BRDT: variants seen among roughly 807,000 people sequenced by gnomAD.
BRDT encodes the protein bromodomain testis associated.
A neutral mutation model predicts 113.9 loss-of-function variants in BRDT; 77 were observed. The ratio of observed to expected loss-of-function variants is 0.68; its 90% CI spans 0.56 to 0.82. The LOEUF is 0.82. Among genes scored for constraint, BRDT ranks in the 40% least tolerant of loss-of-function variants. The pLI, the probability that BRDT is intolerant of heterozygous loss-of-function variation, is 0.00. For missense variants in BRDT, 1,027 were observed against 1,105.4 expected, an observed-to-expected ratio of 0.93 and a Z score of 1.01; for synonymous variants, 358 against 366.5, an observed-to-expected ratio of 0.98 and a Z score of 0.26.
At chr1:92,001,659 G>C (rs1686855915) in intron 15 of BRDT, among the ~76,000 whole-genome samples, 1 of 151,574 alleles carries the variant, frequency 6.6e-6, no homozygotes, top group South Asian at 2.1e-4. Context: ...TTGCACCACT[G>C]TACTTCAGCC....
In BRDT at chr1:92,006,447, T is replaced by TTTTG. The variant is rs371990391; in HGVS notation, c.2775+1176_2775+1179dup. The stretch of plus-strand genomic sequence containing the variant: ...TAGGCAACATGTAATGGGAGCTTGC[T>TTTTG]TTTGTTTGTTTGTTTGTTTGTTTGT... On this transcript the variant is annotated intron_variant, in intron 18 of 18. Coordinates refer to ENST00000399546, the MANE Select transcript of BRDT (RefSeq NM_207189.4). 9.1e-3 allele frequency among the ~76,000 whole-genome samples: 1,381 copies of TTTTG among 152,012 alleles called. 10 individuals are homozygous for TTTTG. The highest frequency in any genetic ancestry group is 0.019 in the African/African-American group (777 of 41,448).
At chr1:91,981,421 T>C in intron 11 of BRDT, 40 bp downstream of exon 11, 3 of 1,549,272 alleles carry the variant, frequency 1.9e-6, no homozygotes, top group Non-Finnish European at 2.7e-6. Flanking sequence ...TATGTATGTA[T>C]GTATGTAGAG....
At chr1:91,960,526 C>T (rs1458781351) in intron 1 of BRDT, among the ~76,000 whole-genome samples, 1 of 152,044 alleles carries the variant, frequency 6.6e-6, no homozygotes, top group African/African-American at 2.4e-5. Context: ...TGGTGGTTGC[C>T]AGGTACAGCA....
chr1:91,999,473 T>C (rs1487943618), intron 15 of BRDT, among the ~76,000 whole-genome samples: 1 of 152,196 alleles, frequency 6.6e-6, no homozygotes, highest in African/African-American at 2.4e-5. Flanking sequence ...CAGATATCTC[T>C]TTATTTGCCT....
intron 15 of BRDT, among the ~76,000 whole-genome samples, chr1:91,996,176 A>G (rs1220892376): frequency 6.6e-6 from 1 of 152,220 alleles, no homozygotes. Context: ...CAAATTATAT[A>G]CAAATTTGTA....
rs558864257 is a variant in BRDT at position 91,983,835 on chromosome 1, C to CCA, written c.2002+2084_2002+2085dup. On this transcript the variant is annotated intron_variant, in intron 12 of 18. Transcript: ENST00000399546. ...TAGCTGGGATTACAAGTGGATGCCA[C>CCA]CACACCCAGCTCATTTTTGTATTTT... Among the ~76,000 whole-genome samples, 29 of 152,086 alleles carry CCA rather than the reference C, an allele frequency of 1.9e-4. No homozygotes were observed. In the East Asian group the frequency reaches 5.0e-3, roughly 26 times the overall value.
At position 91,981,720 on chromosome 1, in the gene BRDT, A is replaced by G; in HGVS notation, c.1967A>G (p.Asp656Gly). ...SSSESESSSS[D>G]LSSSDSSDSE... is the part of the protein sequence containing the mutation. ...TCAGAGTCTGAAAGTAGCAGCAGTG[A>G]CTTAAGCTCTTCAGACAGCAGTGAT... Residue 656 changes from aspartate (D) to glycine (G), a missense_variant, in exon 12 of 19, where the codon GAC (aspartate) becomes GGC (glycine). Asp to Gly is a moderately conservative substitution (Grantham distance 94). Transcript: ENST00000399546. The G allele has an allele frequency of 6.2e-7, 1 of 1,614,094 alleles. No individual in the cohort carries two copies. The highest frequency in any genetic ancestry group is 8.5e-7 in the Non-Finnish European group (1 of 1,179,982).
intron 18 of BRDT, 67 bp downstream of exon 18, chr1:92,005,366 G>A (rs1687207545): frequency 7.3e-7 from 1 of 1,378,422 alleles, no homozygotes; most frequent in Non-Finnish European, 9.6e-7. Context: ...ACTGTCTTTT[G>A]TATGTTCAAG....
intron 12 of BRDT, among the ~76,000 whole-genome samples, chr1:91,988,787 T>C (rs1187232603): frequency 2.0e-5 from 3 of 152,222 alleles, no homozygotes; most frequent in East Asian, 1.9e-4. Context: ...AGTGAAAATA[T>C]GTACATTTGT....
Position 91,977,142 on chromosome 1 carries a change from G to T in BRDT, c.718G>T (p.Val240Leu). ...TTCTCCAACATTCACAGAAAAATCA[G>T]TGGCACTGCCACCTATAAAAGAAAA... ...EFSPTFTEKS[V>L]ALPPIKENMP... The change falls in exon 6 of 19, where the codon GTG becomes TTG. Residue 240 changes from valine (V) to leucine (L), a missense_variant. Transcript: ENST00000399546. The T allele has an allele frequency of 1.2e-6, 2 of 1,613,944 alleles. No homozygotes were observed. The highest frequency in any genetic ancestry group is 1.7e-6 in the Non-Finnish European group (2 of 1,179,954).
chr1:92,007,925 G>A (rs904549772), intron 18 of BRDT, among the ~76,000 whole-genome samples: 15 of 148,024 alleles, frequency 1.0e-4, no homozygotes, highest in Non-Finnish European at 1.9e-4. Flanking sequence ...TCATTCATTC[G>A]TTTATTTTTG....
chr1:92,002,526 G>A (rs1686956071), intron 16 of BRDT, among the ~76,000 whole-genome samples: 1 of 152,118 alleles, frequency 6.6e-6, no homozygotes, highest in African/African-American at 2.4e-5. Context: ...ACCATGCCCA[G>A]CTAATTTTTT....
intron 1 of BRDT, chr1:91,952,316 G>A (rs1291773691): frequency 6.6e-6 from 1 of 152,166 alleles, no homozygotes; most frequent in Non-Finnish European, 1.5e-5. Context: ...GAAAAGCCAA[G>A]TGTGATGTAG....
chr1:91,976,501 A>G, intron 5 of BRDT, 63 bp downstream of exon 5: 1 of 1,394,310 alleles, frequency 7.2e-7, no homozygotes, highest in Non-Finnish European at 9.5e-7. Context: ...TTCCATTTAT[A>G]GGAAAATTAG....
intron 12 of BRDT, among the ~76,000 whole-genome samples, chr1:91,988,007 G>A (rs1415002264): frequency 5.9e-5 from 9 of 152,022 alleles, no homozygotes; most frequent in Middle Eastern, 3.4e-3. Context: ...CTGCCACCAC[G>A]CCCGGCTAAT....
chr1:91,967,319 C>T (rs1322929250), intron 3 of BRDT, among the ~76,000 whole-genome samples: 3 of 151,970 alleles, frequency 2.0e-5, no homozygotes, highest in South Asian at 4.2e-4. Flanking sequence ...TCACCACAAC[C>T]TCCACCTCCC....
chr1:92,011,610 C>G (rs972699437), intron 18 of BRDT, among the ~76,000 whole-genome samples: 65 of 152,054 alleles, frequency 4.3e-4, no homozygotes, highest in Non-Finnish European at 1.6e-4. Flanking sequence ...CTTAAGTCAC[C>G]CCCAAGTGAT....
intron 15 of BRDT, among the ~76,000 whole-genome samples, chr1:91,999,514 C>T (rs553620411): frequency 1.3e-5 from 2 of 152,234 alleles, no homozygotes; most frequent in Admixed American, 6.5e-5. Context: ...CTCTGAATTG[C>T]ATCCTTAAGC....
chr1:91,958,642 G>A (rs1157171594), intron 1 of BRDT, among the ~76,000 whole-genome samples: 3 of 152,166 alleles, frequency 2.0e-5, no homozygotes, highest in Non-Finnish European at 4.4e-5. Flanking sequence ...GAATAAAGCT[G>A]CTATAAACAT....
Sources: allele counts gnomAD v4.1 joint callset (sites outside exome capture counted in the v4.1 genomes callset), GRCh38; gene constraint gnomAD v4.1.1; transcripts MANE v1.5; gene names NCBI Gene and HGNC (gene_info 2026-07-23, HGNC 2026-07-21).